ADGRA3: variants seen among roughly 807,000 people sequenced by gnomAD.
ADGRA3 encodes the protein G-protein coupled receptor 125.
In ADGRA3, 56 loss-of-function variants were observed where a neutral mutation model predicts 119.8. The observed-to-expected ratio is 0.47, with a 90% CI of 0.38 to 0.58. The LOEUF (loss-of-function observed/expected upper bound fraction) is 0.58, where lower values mean the gene tolerates loss of function less well. Among genes scored for constraint, ADGRA3 ranks in the 20% least tolerant of loss-of-function variants. The probability of loss-of-function intolerance (pLI) is 0.00; values close to 1 mark genes in which losing one functional copy is unlikely to be tolerated. For missense variants in ADGRA3, 1,516 were observed against 1,649.0 expected (o/e 0.92, Z 1.40); for synonymous variants, 607 against 623.8 (o/e 0.97, Z 0.40).
In ADGRA3 at chr4:22,442,580, T is replaced by C. The variant is rs1716658966; in HGVS notation, c.920+70A>G. On this transcript the variant is annotated intron_variant, in intron 7 of 18. Transcript: ENST00000334304. ...ATATTAATTCAAATTCCACTAAACA[T>C]TACACCTCCAAAAGGATAAATAAAA... 2.8e-6 allele frequency: 3 copies of C among 1,062,818 alleles called. No individual in the cohort carries two copies. In the South Asian group the frequency reaches 4.5e-5, roughly 16 times the overall value. 65.8% of individuals were successfully genotyped at this position (1,062,818 alleles called of 1,614,324 possible). A position where few individuals can be genotyped will look rare whatever the true frequency, so the allele number is the denominator to read the frequency against.
At chr4:22,477,416 T>C (rs929004267) in intron 1 of ADGRA3, among the ~76,000 whole-genome samples, 2 of 152,230 alleles carry the variant, frequency 1.3e-5, no homozygotes, top group Non-Finnish European at 2.9e-5. Context: ...TAGTTTTAAT[T>C]TTCTATATTT....
At chr4:22,437,882 AG>A (rs1032587078) in intron 8 of ADGRA3, among the ~76,000 whole-genome samples, 2 of 152,148 alleles carry the variant, frequency 1.3e-5, no homozygotes, top group African/African-American at 4.8e-5. Flanking sequence ...AAACCTTCCA[AG>A]GTTCATCTAT....
intron 3 of ADGRA3, among the ~76,000 whole-genome samples, chr4:22,457,718 G>A (rs1051626510): frequency 6.6e-6 from 1 of 152,140 alleles, no homozygotes; most frequent in Non-Finnish European, 1.5e-5. Context: ...ATTATTTACT[G>A]AAAGATAAAT....
chr4:22,407,944 T>C (rs2109016137), intron 14 of ADGRA3, among the ~76,000 whole-genome samples: 1 of 152,220 alleles, frequency 6.6e-6, no homozygotes, highest in East Asian at 1.9e-4. Context: ...AGAAAATATA[T>C]CAGGGCATCC....
At chr4:22,451,608 TTC>T (rs869297002) in intron 4 of ADGRA3, among the ~76,000 whole-genome samples, 10 of 144,798 alleles carry the variant, frequency 6.9e-5, no homozygotes, top group Admixed American at 1.4e-4. Context: ...GGGTTGTTTT[TTC>T]TAAAAAAAAA....
At chr4:22,504,239 G>GA (rs150776262) in intron 1 of ADGRA3, among the ~76,000 whole-genome samples, 19,508 of 149,538 alleles carry the variant, frequency 0.13, 1,468 homozygotes, top group East Asian at 0.34. Flanking sequence ...ATAGGGGAAA[G>GA]AAAAAAAAAG....
rs1435732802 is a variant in ADGRA3, at chr4:22,391,594, T to TA, written c.2627+950_2627+951insT. 7.8e-3 allele frequency among the ~76,000 whole-genome samples: 1,193 copies of TA among 152,276 alleles called. 14 individuals carry two copies. The highest frequency in any genetic ancestry group is 0.027 in the African/African-American group (1,135 of 41,544). On this transcript the variant is annotated intron_variant, in intron 17 of 18. Coordinates refer to ENST00000334304, the MANE Select transcript of ADGRA3 (RefSeq NM_145290.4). The stretch of plus-strand genomic sequence containing the variant: ...CAGAATTCCTTGTTCTTAGGAATTC[T>TA]GATTTATACTCCATACTAGAGCCAT...
chr4:22,448,572 A>G (rs1716910789), intron 4 of ADGRA3, among the ~76,000 whole-genome samples: 1 of 152,144 alleles, frequency 6.6e-6, no homozygotes, highest in Non-Finnish European at 1.5e-5. Context: ...AGAGAGAGTG[A>G]CCATTGGGCA....
chr4:22,410,971 G>T (rs79238621), intron 14 of ADGRA3, among the ~76,000 whole-genome samples: 4,637 of 152,220 alleles, frequency 0.03, 249 homozygotes, highest in African/African-American at 0.11. Context: ...AAAGATAAAA[G>T]AATAGCTTAT....
intron 10 of ADGRA3, among the ~76,000 whole-genome samples, chr4:22,426,646 TAC>T (rs1209344645): frequency 6.6e-6 from 1 of 152,202 alleles, no homozygotes; most frequent in Non-Finnish European, 1.5e-5. Flanking sequence ...TGATAACTGC[TAC>T]AAGGGAAATA....
chr4:22,471,180 C>A (rs757471846), intron 2 of ADGRA3, among the ~76,000 whole-genome samples: 1 of 152,104 alleles, frequency 6.6e-6, no homozygotes. Context: ...AAGAGCCCAG[C>A]CTTTATTATC....
intron 14 of ADGRA3, among the ~76,000 whole-genome samples, chr4:22,411,299 C>T (rs1046132634): frequency 3.3e-5 from 5 of 152,168 alleles, no homozygotes; most frequent in Admixed American, 2.0e-4. Flanking sequence ...CATACTTTAA[C>T]GCTTCATGCT....
chr4:22,483,533 A>T (rs1230235500), intron 1 of ADGRA3, among the ~76,000 whole-genome samples: 1 of 152,158 alleles, frequency 6.6e-6, no homozygotes, highest in Non-Finnish European at 1.5e-5. Flanking sequence ...CCTTCTCTTC[A>T]TACTGCAATA....
rs1042820988 is a variant in ADGRA3 at position 22,435,411 on chromosome 4, G to A, written c.1343C>T (p.Thr448Ile). ...VATARQLLAY[T>I]VEAANFSDKM... is the part of the protein sequence containing the mutation. The stretch of plus-strand genomic sequence containing the variant: ...GTCAGAAAAGTTGGCTGCTTCCACA[G>A]TGTAAGCCAGTAACTGTCGAGCTGT... The change falls in exon 10 of 19, where the codon ACT (threonine) becomes ATT (isoleucine). Residue 448 changes from threonine to isoleucine, a missense_variant. Around this residue, in one of 2 missense-constraint regions of ADGRA3, gnomAD observed 1,088 missense variants for 1,107.1 expected, o/e 0.98. Coordinates refer to ENST00000334304, the MANE Select transcript of ADGRA3 (RefSeq NM_145290.4). 1.9e-6 allele frequency: 3 copies of A among 1,612,794 alleles called. No individual in the cohort carries two copies. Among genetic ancestry groups the A allele is most frequent in the Non-Finnish European group, 1.7e-6 (2 of 1,178,962 alleles).
intron 14 of ADGRA3, among the ~76,000 whole-genome samples, chr4:22,411,203 A>ATAT (rs1237847392): frequency 2.0e-5 from 3 of 152,252 alleles, no homozygotes; most frequent in African/African-American, 7.2e-5. Flanking sequence ...ACAATGTTGA[A>ATAT]TATTATTTCT....
rs1298629576 is a variant in ADGRA3, at chr4:22,509,283, A to G, written c.257+6245T>C. 1.3e-5 allele frequency among the ~76,000 whole-genome samples: 2 copies of G among 151,882 alleles called. 1 individual carries two copies. The highest frequency in any genetic ancestry group is 1.3e-4 in the Admixed American group (2 of 15,242). ...TTTGGGAGGCCGAGGCGGGCAGATC[A>G]CGAGGTCAGCAGTTCAAGACCAGCC... On this transcript the variant is annotated intron_variant, in intron 1 of 18. Coordinates refer to ENST00000334304, the MANE Select transcript of ADGRA3 (RefSeq NM_145290.4).
chr4:22,477,378 T>C (rs1325077873), intron 1 of ADGRA3, among the ~76,000 whole-genome samples: 2 of 152,182 alleles, frequency 1.3e-5, no homozygotes, highest in Non-Finnish European at 2.9e-5. Flanking sequence ...AAGAAAAAAT[T>C]AGAGTGATTA....
At chr4:22,500,134 T>C (rs1719001017) in intron 1 of ADGRA3, among the ~76,000 whole-genome samples, 2 of 152,222 alleles carry the variant, frequency 1.3e-5, no homozygotes, top group Admixed American at 1.3e-4. Context: ...TTCCCGTCTG[T>C]CAGTCATCGC....
intron 1 of ADGRA3, among the ~76,000 whole-genome samples, chr4:22,475,270 T>C (rs1182689501): frequency 1.3e-5 from 2 of 152,178 alleles, no homozygotes; most frequent in Non-Finnish European, 2.9e-5. Flanking sequence ...AACCATGACA[T>C]ACTCAATGAG....
Sources: gnomAD v4.1 joint callset for allele counts (sites outside exome capture counted in the v4.1 genomes callset) on GRCh38, gnomAD v4.1.1 for gene constraint, gnomAD v4.1.1 regional missense constraint, MANE v1.5 for transcripts, NCBI Gene and HGNC (gene_info 2026-07-23, HGNC 2026-07-21) for gene names.